The following LRIG2 variants were observed in gnomAD, a reference collection of about 807,000 sequenced individuals.
LRIG2 encodes leucine-rich repeats and immunoglobulin-like domains protein 2.
A neutral mutation model predicts 107.8 loss-of-function variants in LRIG2; 93 were observed. The ratio of observed to expected loss-of-function variants is 0.86; its 90% CI spans 0.73 to 1.03. The LOEUF is 1.03. Among genes scored for constraint, LRIG2 ranks in the 50% least tolerant of loss-of-function variants. The probability of loss-of-function intolerance (pLI) is 0.00; values close to 1 mark genes in which losing one functional copy is unlikely to be tolerated. For synonymous variants in LRIG2, 471 were observed against 470.6 expected (o/e 1.00, Z -0.01); for missense variants, 1,226 against 1,296.0 (o/e 0.95, Z 0.83).
At chr1:113,122,743 C>T (rs1353718884) in intron 17 of LRIG2, among the ~76,000 whole-genome samples, 1 of 152,188 alleles carries the variant, frequency 6.6e-6, no homozygotes, top group Non-Finnish European at 1.5e-5. Flanking sequence ...ATCACCGTTA[C>T]CTAAGAGCTT....
intron 11 of LRIG2, among the ~76,000 whole-genome samples, chr1:113,102,910 G>C (rs1198596689): frequency 8.5e-5 from 13 of 152,058 alleles, no homozygotes. Flanking sequence ...TTTTAAAGTA[G>C]ATATTTTGAT....
At chr1:113,118,547 C>T (rs1219446688) in intron 16 of LRIG2, among the ~76,000 whole-genome samples, 1 of 152,198 alleles carries the variant, frequency 6.6e-6, no homozygotes. Context: ...ATCTTGCTCC[C>T]TTGATTTGGG....
rs984903199 is a variant in LRIG2, at chr1:113,124,025, C to T, written c.3122C>T (p.Ser1041Phe). The change falls in exon 18 of 18, where the codon TCC (serine) becomes TTC (phenylalanine). Residue 1041 changes from serine to phenylalanine, a missense_variant. Transcript: ENST00000361127. ...CCAGACTGTTCTGCTTCTTCCATGT[C>T]CTGCCACAGGTTACAGGATCATGCT... ...REPDCSASSM[S>F]CHRLQDHAFD... 1 of 1,614,098 alleles carries T rather than the reference C, an allele frequency of 6.2e-7. No homozygotes were observed. Among genetic ancestry groups the T allele is most frequent in the East Asian group, 2.2e-5 (1 of 44,886 alleles).
intron 4 of LRIG2, among the ~76,000 whole-genome samples, 197 bp from the exon 5 acceptor site, chr1:113,094,142 T>C (rs1653946178): frequency 6.6e-6 from 1 of 152,246 alleles, no homozygotes; most frequent in South Asian, 2.1e-4. Context: ...ACATGCTGTT[T>C]TGTAACAACC....
intron 1 of LRIG2, among the ~76,000 whole-genome samples, chr1:113,087,271 A>T (rs1056787752): frequency 6.6e-6 from 1 of 152,360 alleles, no homozygotes; most frequent in Admixed American, 6.5e-5. Context: ...AGAGACTTCA[A>T]TTTTTAAAAT....
At chr1:113,095,398 C>T (rs2101037331) in intron 6 of LRIG2, among the ~76,000 whole-genome samples, 1 of 152,140 alleles carries the variant, frequency 6.6e-6, no homozygotes, top group Non-Finnish European at 1.5e-5. Flanking sequence ...TACCTTCTAG[C>T]ACTAAATCTC....
At chr1:113,100,615 T>C in intron 11 of LRIG2, 127 bp downstream of exon 11, 4 of 567,668 alleles carry the variant, frequency 7.0e-6, no homozygotes, top group East Asian at 2.8e-5. Flanking sequence ...AAAGAAAGTA[T>C]TAATACTCAG....
At chr1:113,106,227 CAA>C (rs10581084) in intron 11 of LRIG2, among the ~76,000 whole-genome samples, 137,413 of 148,048 alleles carry the variant, frequency 0.93, 64,196 homozygotes, top group South Asian at 0.98. Context: ...GACTCTGTCT[CAA>C]AAAAAAAAAA....
At chr1:113,082,144 G>A (rs1255182997) in intron 1 of LRIG2, among the ~76,000 whole-genome samples, 1 of 152,140 alleles carries the variant, frequency 6.6e-6, no homozygotes, top group Admixed American at 6.6e-5. Context: ...AAGCATATAC[G>A]ATGCTTTCAC....
chr1:113,099,211 A>G (rs1654200046), intron 9 of LRIG2, among the ~76,000 whole-genome samples: 1 of 146,960 alleles, frequency 6.8e-6, no homozygotes, highest in Non-Finnish European at 1.5e-5. Flanking sequence ...CCCGGATTAT[A>G]GGTATGAGCC....
intron 1 of LRIG2, among the ~76,000 whole-genome samples, chr1:113,086,419 A>G (rs1363879445): frequency 6.6e-6 from 1 of 152,204 alleles, no homozygotes; most frequent in Non-Finnish European, 1.5e-5. Context: ...TCATACCCAA[A>G]ATATTAGATA....
At chr1:113,078,692 G>C (rs1337792768) in intron 1 of LRIG2, among the ~76,000 whole-genome samples, 1 of 149,234 alleles carries the variant, frequency 6.7e-6, no homozygotes, top group Non-Finnish European at 1.5e-5. Context: ...TTAGGCTGGA[G>C]TGCAATGGTC....
At position 113,094,652 on chromosome 1, in the gene LRIG2, A is replaced by C. The variant is rs1270552848; in HGVS notation, c.700A>C (p.Thr234Pro). 3 of 1,613,988 alleles carry C rather than the reference A, an allele frequency of 1.9e-6. No homozygotes were observed. The South Asian group carries it at 3.3e-5, about 18-fold the overall frequency. ...CAGAATTAAAATTGTGGAAGGTCTT[A>C]CATTCCAAGGGCTTGACTCCTTAAG... ...RNRIKIVEGL[T>P]FQGLDSLRSL... is the part of the protein sequence containing the mutation. Residue 234 changes from threonine (T) to proline (P), a missense_variant, in exon 6 of 18, where the codon ACA (threonine) becomes CCA (proline). This residue lies in a region of LRIG2 where 570 missense variants were observed against 550.2 expected (regional missense o/e 1.04). Transcript: ENST00000361127.
Position 113,128,773 on chromosome 1 carries a change from T to G in LRIG2, c.*4672T>G, listed in dbSNP as rs1296751830. 1.3e-5 allele frequency: 2 copies of G among 152,264 alleles called. No homozygotes were observed. Among genetic ancestry groups the G allele is most frequent in the African/African-American group, 2.4e-5 (1 of 41,474 alleles). The allele number at this position is 152,264 out of a possible 1,614,324, so 9.4% of individuals were successfully genotyped here. A position where few individuals can be genotyped will look rare whatever the true frequency, so the allele number is the denominator to read the frequency against. ...TCTCTAGAGCAGAATGTCTGAATGC[T>G]GGTTTTATAGCACACTAGAATATCA... On this transcript the variant is annotated 3_prime_UTR_variant, in exon 18 of 18. Transcript: ENST00000361127.
In LRIG2 at chr1:113,112,457, TTGG is replaced by T. The variant is rs914051611; in HGVS notation, c.1799-19_1799-17del. 1.9e-6 allele frequency: 3 copies of T among 1,590,100 alleles called. No individual in the cohort carries two copies. The highest frequency in any genetic ancestry group is 1.7e-5 in the Admixed American group (1 of 58,098). ...TCTTTGTTCCCTTGCCCACTTTTTC[TTGG>T]TGATTTTTCTGGAAACAGAGATGCC... On this transcript the variant is annotated intron_variant, in intron 13 of 17. Coordinates refer to ENST00000361127, the MANE Select transcript of LRIG2 (RefSeq NM_014813.3).
chr1:113,121,055 A>G (rs112898536), intron 17 of LRIG2, among the ~76,000 whole-genome samples: 73 of 151,964 alleles, frequency 4.8e-4, no homozygotes, highest in African/African-American at 1.7e-3. Context: ...TGACCTCGTG[A>G]TCTGCCTGCC....
intron 1 of LRIG2, among the ~76,000 whole-genome samples, chr1:113,077,024 A>C (rs993437360): frequency 6.6e-6 from 1 of 152,244 alleles, no homozygotes; most frequent in Non-Finnish European, 1.5e-5. Flanking sequence ...GATAGTACCA[A>C]AACATTAAGA....
chr1:113,117,817 G>C (rs547641419), intron 16 of LRIG2, among the ~76,000 whole-genome samples: 2 of 152,070 alleles, frequency 1.3e-5, no homozygotes, highest in East Asian at 3.9e-4. Flanking sequence ...TTAAAAGTCT[G>C]TTCTTTGAAG....
At chr1:113,078,294 A>G (rs1653085781) in intron 1 of LRIG2, among the ~76,000 whole-genome samples, 2 of 149,682 alleles carry the variant, frequency 1.3e-5, no homozygotes, top group Non-Finnish European at 3.0e-5. Context: ...GCTGGAGTGT[A>G]GTGGTGGGAT....
Sources: allele counts gnomAD v4.1 joint callset (sites outside exome capture counted in the v4.1 genomes callset), GRCh38; gene constraint gnomAD v4.1.1; regional missense constraint gnomAD v4.1.1; transcripts MANE v1.5; gene names NCBI Gene and HGNC (gene_info 2026-07-23, HGNC 2026-07-21).